MGMT: variants seen among roughly 807,000 people sequenced by gnomAD.
The protein encoded by MGMT is methylated-DNA--protein-cysteine methyltransferase.
Under a neutral mutation model 15.9 loss-of-function variants are expected in MGMT, and 14 were observed. The ratio of observed to expected loss-of-function variants is 0.88; its 90% confidence interval spans 0.58 to 1.37. The LOEUF is 1.37. Among genes scored for constraint, MGMT ranks in the 40% most tolerant of loss-of-function variants. The pLI is 0.00. For synonymous variants in MGMT, 130 were observed against 118.2 expected, an observed-to-expected ratio of 1.10 and a Z score of -0.65; for missense variants, 282 against 268.1, an observed-to-expected ratio of 1.05 and a Z score of -0.36.
chr10:129,622,185 A>G (rs1465530778), intron 2 of MGMT, among the ~76,000 whole-genome samples: 1 of 152,206 alleles, frequency 6.6e-6, no homozygotes, highest in Non-Finnish European at 1.5e-5. Context: ...TCTCAAGGAT[A>G]AGATGCTGAT....
intron 3 of MGMT, among the ~76,000 whole-genome samples, chr10:129,744,302 G>T (rs1480114527): frequency 6.6e-6 from 1 of 152,244 alleles, no homozygotes; most frequent in African/African-American, 2.4e-5. Context: ...CCACCTCCAT[G>T]CCTGGGCAGC....
At chr10:129,675,422 A>G (rs1378446795) in intron 2 of MGMT, among the ~76,000 whole-genome samples, 1 of 152,214 alleles carries the variant, frequency 6.6e-6, no homozygotes, top group Non-Finnish European at 1.5e-5. Flanking sequence ...GTAAGTGGAC[A>G]GATTGCCGGA....
At chr10:129,665,624 A>G (rs900492727) in intron 2 of MGMT, among the ~76,000 whole-genome samples, 1 of 152,118 alleles carries the variant, frequency 6.6e-6, no homozygotes, top group African/African-American at 2.4e-5. Context: ...AGGGGGAAAG[A>G]GGTTTCCTAT....
At chr10:129,696,976 G>A (rs1848039944) in intron 2 of MGMT, among the ~76,000 whole-genome samples, 1 of 152,268 alleles carries the variant, frequency 6.6e-6, no homozygotes, top group Non-Finnish European at 1.5e-5. Context: ...TCCTGCCTAT[G>A]TGGAATACTG....
chr10:129,578,408 T>A (rs1382766552), intron 2 of MGMT, among the ~76,000 whole-genome samples: 1 of 152,048 alleles, frequency 6.6e-6, no homozygotes, highest in Non-Finnish European at 1.5e-5. Context: ...CTGGAAACCA[T>A]CATTCTCAGC....
At chr10:129,655,742 G>A (rs576633315) in intron 2 of MGMT, among the ~76,000 whole-genome samples, 1 of 152,184 alleles carries the variant, frequency 6.6e-6, no homozygotes, top group African/African-American at 2.4e-5. Context: ...TTGTCGTTAC[G>A]TGAGCAGGAG....
chr10:129,614,510 G>A (rs931911245), intron 2 of MGMT, among the ~76,000 whole-genome samples: 1 of 152,196 alleles, frequency 6.6e-6, no homozygotes, highest in East Asian at 1.9e-4. Flanking sequence ...CGTGCTCGGC[G>A]GCTGGTTTTT....
intron 1 of MGMT, among the ~76,000 whole-genome samples, chr10:129,516,701 C>T (rs1323513797): frequency 6.6e-6 from 1 of 152,178 alleles, no homozygotes; most frequent in African/African-American, 2.4e-5. Flanking sequence ...TTCCCCCACC[C>T]CAGCCCCCAC....
intron 1 of MGMT, among the ~76,000 whole-genome samples, chr10:129,528,608 TA>T (rs1845896069): frequency 6.7e-6 from 1 of 150,108 alleles, no homozygotes; most frequent in Non-Finnish European, 1.5e-5. Flanking sequence ...CCATTTGGGC[TA>T]GGGGGCCCCC....
chr10:129,534,851 A>G (rs1015211811), intron 1 of MGMT, among the ~76,000 whole-genome samples: 1 of 151,946 alleles, frequency 6.6e-6, no homozygotes, highest in African/African-American at 2.4e-5. Flanking sequence ...ACCTTTCTGT[A>G]GAGGGTTCCA....
chr10:129,694,899 A>G (rs1414058129), intron 2 of MGMT, among the ~76,000 whole-genome samples: 1 of 152,238 alleles, frequency 6.6e-6, no homozygotes, highest in Non-Finnish European at 1.5e-5. Context: ...TTGAAAAAGT[A>G]CAAATGTTTT....
intron 1 of MGMT, among the ~76,000 whole-genome samples, chr10:129,491,154 G>A (rs1313770267): frequency 1.3e-5 from 2 of 151,962 alleles, no homozygotes; most frequent in Non-Finnish European, 2.9e-5. Context: ...CTGCTTGAAG[G>A]ACTTGTTTGT....
rs1241882374 is a variant in MGMT, at chr10:129,536,388, G to A, written c.125+11G>A. 1.9e-6 allele frequency: 3 copies of A among 1,609,924 alleles called. No individual in the cohort carries two copies. The highest frequency in any genetic ancestry group is 2.5e-6 in the Non-Finnish European group (3 of 1,178,998). ...GACGTCTGCAGCTGAGTAAGTATGAGCCCACGTGATCCTGTATACCGCACA... is the reference window on the plus strand; with the variant it reads ...GACGTCTGCAGCTGAGTAAGTATGAACCCACGTGATCCTGTATACCGCACA... On this transcript the variant is annotated intron_variant, in intron 2 of 4. Transcript: ENST00000651593.
chr10:129,590,120 T>C (rs1323944028), intron 2 of MGMT, among the ~76,000 whole-genome samples: 1 of 152,240 alleles, frequency 6.6e-6, no homozygotes, highest in Non-Finnish European at 1.5e-5. Context: ...CCGGAGCTTC[T>C]GTTAGGCAGG....
intron 2 of MGMT, among the ~76,000 whole-genome samples, chr10:129,604,649 C>T (rs568215935): frequency 1.1e-4 from 16 of 151,942 alleles, no homozygotes; most frequent in African/African-American, 3.1e-4. Context: ...CTCCCTGTGG[C>T]TCTGTCTTGG....
intron 3 of MGMT, among the ~76,000 whole-genome samples, chr10:129,739,063 A>G (rs1848599736): frequency 6.6e-6 from 1 of 152,260 alleles, no homozygotes; most frequent in Non-Finnish European, 1.5e-5. Context: ...CCATATGATT[A>G]TCTCAATAGA....
At chr10:129,522,204 G>T (rs1449359911) in intron 1 of MGMT, among the ~76,000 whole-genome samples, 1 of 152,208 alleles carries the variant, frequency 6.6e-6, no homozygotes, top group Admixed American at 6.5e-5. Flanking sequence ...AGATCTTCTT[G>T]GCAGGGTGCA....
chr10:129,588,774 G>A (rs970565750), intron 2 of MGMT, among the ~76,000 whole-genome samples: 1 of 152,246 alleles, frequency 6.6e-6, no homozygotes, highest in Non-Finnish European at 1.5e-5. Context: ...TGGAAAACAC[G>A]CAGCATCATG....
chr10:129,686,588 C>G (rs1162595843), intron 2 of MGMT, among the ~76,000 whole-genome samples: 1 of 102,816 alleles, frequency 9.7e-6, no homozygotes, highest in African/African-American at 4.4e-5. Flanking sequence ...CTCTCAAACT[C>G]CTGACCTCAA....
Sources: gnomAD v4.1 joint callset for allele counts (sites outside exome capture counted in the v4.1 genomes callset) on GRCh38, gnomAD v4.1.1 for gene constraint, MANE v1.5 for transcripts, NCBI Gene and HGNC (gene_info 2026-07-23, HGNC 2026-07-21) for gene names.